The following C17orf58 variants were observed in gnomAD, a reference collection of about 807,000 sequenced individuals.
C17orf58 encodes the protein chromosome 17 open reading frame 58, also known as UPF0450 protein C17orf58.
Under a neutral mutation model 7.4 loss-of-function variants are expected in C17orf58, and 5 were observed. The ratio of observed to expected loss-of-function variants is 0.67; its 90% confidence interval spans 0.35 to 1.42. C17orf58 has a LOEUF of 1.42. Ranked by LOEUF, C17orf58 falls within the 40% of genes most tolerant of loss-of-function variation. The pLI is 0.04. For missense variants in C17orf58, 162 were observed against 174.2 expected, an observed-to-expected ratio of 0.93 and a Z score of 0.40; for synonymous variants, 60 against 70.6, an observed-to-expected ratio of 0.85 and a Z score of 0.75.
rs1409383887 is a variant in C17orf58, at chr17:67,991,764, T to G, written c.*149A>C. 1.2e-4 allele frequency: 73 copies of G among 612,966 alleles called. No individual in the cohort carries two copies. The East Asian group carries it at 2.1e-3, about 18-fold the overall frequency. The allele number at this position is 612,966 out of a possible 1,614,324, so 38.0% of individuals were successfully genotyped here. A position where few individuals can be genotyped will look rare whatever the true frequency, so the allele number is the denominator to read the frequency against. ...TCTTGTAAATAACAAAGTGACACCTTCGAGATTACAGTTGCAGCTATGCAA... is the reference window on the plus strand; with the variant it reads ...TCTTGTAAATAACAAAGTGACACCTGCGAGATTACAGTTGCAGCTATGCAA... On this transcript the variant is annotated 3_prime_UTR_variant, in exon 4 of 4. Transcript: ENST00000580729.
chr17:67,993,504 G>A lies in C17orf58; in HGVS notation c.557C>T (p.Ala186Val), dbSNP rs1161687205. 5.6e-5 allele frequency: 22 copies of A among 393,050 alleles called. No individual in the cohort carries two copies. The highest frequency in any genetic ancestry group is 4.2e-4 in the African/African-American group (20 of 47,792). The allele number at this position is 393,050 out of a possible 1,614,324, so 24.3% of individuals were successfully genotyped here. Residue 186 changes from alanine (A) to valine (V), a missense_variant, in exon 2 of 4, where the codon GCG becomes GTG. Physicochemically the swap from Ala to Val is moderately conservative, Grantham distance 64. This residue lies in a region of C17orf58 where 93 missense variants were observed against 90.4 expected (regional missense o/e 1.03). Coordinates refer to ENST00000580729, the MANE Select transcript of C17orf58 (RefSeq NM_001382359.1). This position sits in a 1 kb window ranked among gnomAD's most constrained non-coding sequence, Gnocchi z 5.1. Reference sequence around the variant, plus strand: ...CGCGCAGGGCTCAGCGCCGGGCTCCGCGTCCCTCTGCGGCGGGCTGAGGCC... The same window carrying A: ...CGCGCAGGGCTCAGCGCCGGGCTCCACGTCCCTCTGCGGCGGGCTGAGGCC... Reference protein sequence around the residue: ...SFGLSPPQRDAEPGAEPCARA... With the variant: ...SFGLSPPQRDVEPGAEPCARA...
Position 67,993,629 on chromosome 17 carries a change from G to T in C17orf58, c.432C>A (p.Thr144=). Residue 144 remains threonine (T), a synonymous_variant, in exon 2 of 4, where the codon ACC becomes ACA. Transcript: ENST00000580729. This position sits in a 1 kb window ranked among gnomAD's most constrained non-coding sequence, Gnocchi z 5.1. The part of the protein sequence containing the change: ...FPAARPPALA[T]EGSAGHAHPN... ...GGTGGGCGTGGCCGGCGGAGCCCTCGGTGGCGAGCGCGGGCGGCCGGGCGG... is the reference window on the plus strand; with the variant it reads ...GGTGGGCGTGGCCGGCGGAGCCCTCTGTGGCGAGCGCGGGCGGCCGGGCGG... 6.8e-6 allele frequency: 1 copy of T among 147,122 alleles called. No homozygotes were observed. The highest frequency in any genetic ancestry group is 1.8e-4 in the South Asian group (1 of 5,594). The allele number at this position is 147,122 out of a possible 1,614,324, so 9.1% of individuals were successfully genotyped here. A position where few individuals can be genotyped will look rare whatever the true frequency, so the allele number is the denominator to read the frequency against.
Position 67,996,429 on chromosome 17 carries a change from G to A in C17orf58, c.-231C>T. ...ACATGGCCTTGCAAAGTTGTCCCCGGGAATGTCTGTCCTGTGATCTGCGGG... is the reference window on the plus strand; with the variant it reads ...ACATGGCCTTGCAAAGTTGTCCCCGAGAATGTCTGTCCTGTGATCTGCGGG... On this transcript the variant is annotated 5_prime_UTR_variant, in exon 1 of 4. Coordinates refer to ENST00000580729, the MANE Select transcript of C17orf58 (RefSeq NM_001382359.1). The A allele has an allele frequency of 2.9e-6, 1 of 346,800 alleles. No homozygotes were observed. Among genetic ancestry groups the A allele is most frequent in the Non-Finnish European group, 5.2e-6 (1 of 193,998 alleles). The allele number at this position is 346,800 out of a possible 1,614,324, so 21.5% of individuals were successfully genotyped here. A position where few individuals can be genotyped will look rare whatever the true frequency, so the allele number is the denominator to read the frequency against.
chr17:67,996,381 C>T lies in C17orf58; in HGVS notation c.-183G>A. On this transcript the variant is annotated 5_prime_UTR_variant, in exon 1 of 4. Coordinates refer to ENST00000580729, the MANE Select transcript of C17orf58 (RefSeq NM_001382359.1). Reference sequence around the variant, plus strand: ...AACCGAGCCGCAGGGATTTCTCCCTCTTCCTTCCTAAGGAGGACGAGCACA... The same window carrying T: ...AACCGAGCCGCAGGGATTTCTCCCTTTTCCTTCCTAAGGAGGACGAGCACA... 2.6e-6 allele frequency: 1 copy of T among 385,770 alleles called. No individual in the cohort carries two copies. Among genetic ancestry groups the T allele is most frequent in the Non-Finnish European group, 4.6e-6 (1 of 218,606 alleles). The allele number at this position is 385,770 out of a possible 1,614,324, so 23.9% of individuals were successfully genotyped here. A position where few individuals can be genotyped will look rare whatever the true frequency, so the allele number is the denominator to read the frequency against.
In C17orf58 at chr17:67,992,027, T is replaced by C; in HGVS notation, c.906A>G (p.Arg302=). The part of the protein sequence containing the change: ...QLPTALLQVL[R]GRLRPGDGLL... ...GTCCATCCCCTGGACGGAGGCGGCC[T>C]CTCAGGACCTGGAGCAGAGCTGTAG... is the stretch of plus-strand genomic sequence containing the variant. The change falls in exon 4 of 4, where the codon AGA becomes AGG. Residue 302 remains arginine, a synonymous_variant. Transcript: ENST00000580729. 6.2e-7 allele frequency: 1 copy of C among 1,612,804 alleles called. No individual in the cohort carries two copies. Among genetic ancestry groups the C allele is most frequent in the African/African-American group, 1.3e-5 (1 of 75,020 alleles).
At chr17:67,992,213 C>T in intron 3 of C17orf58, 110 bp from the exon 4 acceptor site, 1 of 951,562 alleles carries the variant, frequency 1.1e-6, no homozygotes, top group Non-Finnish European at 1.5e-6. Flanking sequence ...TCTTGCTGCA[C>T]AAGTTGAAAC....
rs1555699465 is a variant in C17orf58, at chr17:67,993,401, G to C, written c.637+23C>G. On this transcript the variant is annotated intron_variant, in intron 2 of 3. Transcript: ENST00000580729. The surrounding 1 kb of genome is among the most constrained non-coding windows in gnomAD (Gnocchi z 5.1). ...GGAAAGGCTCGCGGGGCGGCGGGGC[G>C]GCGGCGCGGCGGCCGGGCTCACCGA... The C allele has an allele frequency of 1.7e-6, 1 of 574,868 alleles. No homozygotes were observed. The highest frequency in any genetic ancestry group is 3.4e-5 in the Admixed American group (1 of 29,588). 35.6% of individuals were successfully genotyped at this position (574,868 alleles called of 1,614,324 possible). A position where few individuals can be genotyped will look rare whatever the true frequency, so the allele number is the denominator to read the frequency against.
chr17:67,992,687 G>C (rs1430779202), intron 3 of C17orf58, among the ~76,000 whole-genome samples: 2 of 151,614 alleles, frequency 1.3e-5, no homozygotes, highest in East Asian at 1.9e-4. Context: ...ATGTGGGAGT[G>C]GGTATTCCCC....
rs534885788 is a variant in C17orf58, at chr17:67,991,887, G to T, written c.*26C>A. On this transcript the variant is annotated 3_prime_UTR_variant, in exon 4 of 4. Transcript: ENST00000580729. ...TGTTGCCGACGTCCAAGTCTCTTGC[G>T]GTCCAGAAATGCCAGGATGGTTGTT... 1.3e-6 allele frequency: 2 copies of T among 1,562,038 alleles called. No individual in the cohort carries two copies. The highest frequency in any genetic ancestry group is 8.7e-7 in the Non-Finnish European group (1 of 1,149,362).
Position 67,993,690 on chromosome 17 carries a change from G to T in C17orf58, c.371C>A (p.Pro124Gln), listed in dbSNP as rs1410800124. 6.8e-6 allele frequency: 1 copy of T among 146,696 alleles called. No homozygotes were observed. Among genetic ancestry groups the T allele is most frequent in the South Asian group, 1.8e-4 (1 of 5,544 alleles). 9.1% of individuals were successfully genotyped at this position (146,696 alleles called of 1,614,324 possible). ...CAGGGCCCGTGAGCGCGCGCGTCGC[G>T]GGGCGTCCTCCGACGCGGGCTCGCG... The part of the protein sequence containing the change: ...PRREPASEDA[P>Q]RRARSRALRF... Residue 124 changes from proline (P) to glutamine (Q), a missense_variant, in exon 2 of 4, where the codon CCG becomes CAG. By Grantham distance (76) the Pro-to-Gln change is moderately conservative (BLOSUM62 -1). Coordinates refer to ENST00000580729, the MANE Select transcript of C17orf58 (RefSeq NM_001382359.1). This position sits in a 1 kb window ranked among gnomAD's most constrained non-coding sequence, Gnocchi z 5.1.
chr17:67,995,707 C>G (rs1257628920), intron 1 of C17orf58, among the ~76,000 whole-genome samples: 1 of 152,126 alleles, frequency 6.6e-6, no homozygotes, highest in Non-Finnish European at 1.5e-5. Context: ...CGCTTCCCCC[C>G]AGCCCTCCAC....
At chr17:67,995,317 A>G (rs1306665929) in intron 1 of C17orf58, among the ~76,000 whole-genome samples, 3 of 152,220 alleles carry the variant, frequency 2.0e-5, no homozygotes, top group African/African-American at 7.2e-5. Context: ...CTGACTGTCA[A>G]CTGTTGACCT....
intron 1 of C17orf58, among the ~76,000 whole-genome samples, chr17:67,994,508 GTGTGTGTGTATATA>G (rs2070873768): frequency 3.6e-5 from 2 of 55,970 alleles, no homozygotes; most frequent in South Asian, 7.3e-4. Context: ...GTGTGTGTGT[GTGTGTGTGTATATA>G]TATATATATA....
rs2070856257 is a variant in C17orf58 at position 67,993,324 on chromosome 17, G to A, written c.638-89C>T. 37 of 786,478 alleles carry A rather than the reference G, an allele frequency of 4.7e-5. 1 individual carries two copies. The South Asian group carries it at 6.0e-4, about 13-fold the overall frequency. The allele number at this position is 786,478 out of a possible 1,614,324, so 48.7% of individuals were successfully genotyped here. A position where few individuals can be genotyped will look rare whatever the true frequency, so the allele number is the denominator to read the frequency against. ...GGTGGTTTTTAGCAACCGCGAAACGGCCCGCACGGGTCAGGCGCCCTGGGA... is the reference window on the plus strand; with the variant it reads ...GGTGGTTTTTAGCAACCGCGAAACGACCCGCACGGGTCAGGCGCCCTGGGA... On this transcript the variant is annotated intron_variant, in intron 2 of 3. Transcript: ENST00000580729. This position sits in a 1 kb window ranked among gnomAD's most constrained non-coding sequence, Gnocchi z 5.1.
chr17:67,994,514 G>GCATATATATATA (rs1285480406), intron 1 of C17orf58, among the ~76,000 whole-genome samples: 11 of 87,212 alleles, frequency 1.3e-4, no homozygotes, highest in Middle Eastern at 5.6e-3. Context: ...GTGTGTGTGT[G>GCATATATATATA]TGTATATATA....
Position 67,993,852 on chromosome 17 carries a change from C to G in C17orf58, c.209G>C (p.Arg70Pro), listed in dbSNP as rs2070866091. 8.9e-6 allele frequency: 3 copies of G among 336,476 alleles called. No homozygotes were observed. The highest frequency in any genetic ancestry group is 1.6e-5 in the Non-Finnish European group (3 of 189,274). The allele number at this position is 336,476 out of a possible 1,614,324, so 20.8% of individuals were successfully genotyped here. Residue 70 changes from arginine to proline, a missense_variant, in exon 2 of 4, where the codon CGC becomes CCC. Transcript: ENST00000580729. The surrounding 1 kb of genome is among the most constrained non-coding windows in gnomAD (Gnocchi z 5.1). Reference sequence around the variant, plus strand: ...CCGGCGGCGCGGGTCAGGCCAGGCGCGGGCGGCGGGAGCGACCTCGGCCGC... The same window carrying G: ...CCGGCGGCGCGGGTCAGGCCAGGCGGGGGCGGCGGGAGCGACCTCGGCCGC... Reference protein sequence around the residue: ...PRAAEVAPAARAWPDPRRRKP... With the variant: ...PRAAEVAPAAPAWPDPRRRKP...
chr17:67,992,999 T>C (rs2070850350), intron 3 of C17orf58, 45 bp downstream of exon 3: 1 of 1,613,998 alleles, frequency 6.2e-7, no homozygotes, highest in Admixed American at 1.7e-5. Flanking sequence ...TTACAAACGG[T>C]GGTATAAAGT....
intron 1 of C17orf58, among the ~76,000 whole-genome samples, chr17:67,994,535 T>TATATATATATTAAA: frequency 1.0e-5 from 1 of 100,310 alleles, no homozygotes; most frequent in Admixed American, 1.0e-4. Flanking sequence ...TATATATATA[T>TATATATATATTAAA]AAAACATATA....
chr17:67,992,922 T>G (rs782559467), intron 3 of C17orf58, 122 bp downstream of exon 3: 6 of 1,614,060 alleles, frequency 3.7e-6, no homozygotes, highest in South Asian at 1.1e-5. Context: ...ATCCCATTCA[T>G]GTCATTGTTT....
Sources: gnomAD v4.1 joint callset for allele counts (sites outside exome capture counted in the v4.1 genomes callset) on GRCh38, gnomAD v4.1.1 for gene constraint, gnomAD v4.1.1 regional missense constraint, Gnocchi (gnomAD v3.1) non-coding constraint, MANE v1.5 for transcripts, NCBI Gene and HGNC (gene_info 2026-07-23, HGNC 2026-07-21) for gene names.